PRKACB: variants seen among roughly 807,000 people sequenced by gnomAD.
PRKACB encodes the protein cAMP-dependent protein kinase catalytic subunit beta.
A neutral mutation model predicts 51.4 loss-of-function variants in PRKACB; 16 were observed. The observed-to-expected ratio is 0.31, with a 90% CI of 0.21 to 0.47. PRKACB has a LOEUF of 0.47. PRKACB is among the 20% of genes least tolerant of loss of function. The pLI is 1.00. For missense variants in PRKACB, 309 were observed against 464.5 expected, an observed-to-expected ratio of 0.67 and a Z score of 3.08; for synonymous variants, 147 against 154.4, an observed-to-expected ratio of 0.95 and a Z score of 0.35.
At chr1:84,214,023 G>A (rs753607108) in intron 8 of PRKACB, 130 bp from the exon 9 acceptor site, 6 of 890,004 alleles carry the variant, frequency 6.7e-6, no homozygotes, top group South Asian at 2.3e-5. Flanking sequence ...TTAAAAGTAT[G>A]TGAAGGTCAT....
intron 1 of PRKACB, among the ~76,000 whole-genome samples, chr1:84,168,207 G>A (rs745677014): frequency 6.6e-6 from 1 of 151,550 alleles, no homozygotes. Flanking sequence ...AATTGATTTG[G>A]AAAGCTGACT....
chr1:84,198,657 G>A (rs1668872358), intron 7 of PRKACB, among the ~76,000 whole-genome samples: 1 of 150,604 alleles, frequency 6.6e-6, no homozygotes. Flanking sequence ...ACAAATAATG[G>A]GACAACAAAA....
intron 8 of PRKACB, among the ~76,000 whole-genome samples, chr1:84,211,325 A>G (rs571239535): frequency 1.3e-5 from 2 of 152,214 alleles, no homozygotes; most frequent in African/African-American, 2.4e-5. Context: ...TAACTGGTAC[A>G]TTACCATGGA....
chr1:84,219,581 T>G (rs958974586), intron 9 of PRKACB, among the ~76,000 whole-genome samples: 12 of 151,648 alleles, frequency 7.9e-5, no homozygotes, highest in African/African-American at 2.7e-4. Flanking sequence ...TGTTATGGTT[T>G]GGGGCCTTAT....
At chr1:84,174,790 G>C (rs1192285054) in intron 1 of PRKACB, among the ~76,000 whole-genome samples, 1 of 151,720 alleles carries the variant, frequency 6.6e-6, no homozygotes, top group African/African-American at 2.4e-5. Flanking sequence ...TAAAGTTTTT[G>C]TTAGTTGTTG....
chr1:84,126,160 C>T (rs1651583824), intron 1 of PRKACB, among the ~76,000 whole-genome samples: 1 of 152,130 alleles, frequency 6.6e-6, no homozygotes, highest in Non-Finnish European at 1.5e-5. Context: ...TTAGCTTTGC[C>T]ATCCACAGAC....
chr1:84,108,465 A>ATG (rs1649964363), intron 1 of PRKACB, among the ~76,000 whole-genome samples: 1 of 152,068 alleles, frequency 6.6e-6, no homozygotes, highest in Non-Finnish European at 1.5e-5. Flanking sequence ...CAACTTGCAC[A>ATG]TGTACCCCTG....
chr1:84,165,207 A>G (rs1326560580), intron 1 of PRKACB, among the ~76,000 whole-genome samples: 1 of 151,890 alleles, frequency 6.6e-6, no homozygotes, highest in Non-Finnish European at 1.5e-5. Flanking sequence ...TAATGGCACT[A>G]TTAATAATCA....
At chr1:84,078,363 T>C (rs1571487407) in exon 1 of PRKACB, 2 of 1,584,090 alleles carry the variant, frequency 1.3e-6, no homozygotes, top group Non-Finnish European at 1.7e-6. Context: ...GGCAGCGAGG[T>C]GGAGAGCGGT....
At chr1:84,198,534 G>A (rs950062747) in intron 7 of PRKACB, among the ~76,000 whole-genome samples, 1 of 152,038 alleles carries the variant, frequency 6.6e-6, no homozygotes. Flanking sequence ...TAAAATAAAA[G>A]ATTTCTTTCA....
At chr1:84,150,927 C>T (rs1229718253) in intron 1 of PRKACB, among the ~76,000 whole-genome samples, 1 of 152,066 alleles carries the variant, frequency 6.6e-6, no homozygotes, top group African/African-American at 2.4e-5. Flanking sequence ...ATTTCTTCCT[C>T]CCTCCCCCTC....
intron 9 of PRKACB, among the ~76,000 whole-genome samples, chr1:84,221,385 A>T (rs679315): frequency 0.95 from 143,642 of 151,028 alleles, 68,665 homozygotes; most frequent in East Asian, 1. Flanking sequence ...TTATTTTTTT[A>T]AAAAAAAAAC....
chr1:84,137,759 A>T (rs1407066185), intron 1 of PRKACB, among the ~76,000 whole-genome samples: 2 of 152,146 alleles, frequency 1.3e-5, no homozygotes, highest in East Asian at 3.9e-4. Flanking sequence ...CAATTCTGAT[A>T]TTTCTATATG....
At chr1:84,104,503 T>C (rs1170627699) in intron 1 of PRKACB, among the ~76,000 whole-genome samples, 1 of 152,138 alleles carries the variant, frequency 6.6e-6, no homozygotes, top group Non-Finnish European at 1.5e-5. Context: ...ATAGCCAGCA[T>C]TGGGATTGCT....
chr1:84,184,063 T>A lies in PRKACB; in HGVS notation c.405T>A (p.His135Gln). Residue 135 changes from histidine (H) to glutamine (Q), a missense_variant, in exon 4 of 10, where the codon CAT (histidine) becomes CAA (glutamine). His to Gln is a conservative substitution (Grantham distance 24). Around this residue, in one of 3 missense-constraint regions of PRKACB, gnomAD observed 153 missense variants for 190.2 expected, o/e 0.80. Transcript: ENST00000370685. ...QKVVKLKQIE[H>Q]TLNEKRILQA... ...TTGTTAAACTGAAGCAAATAGAGCA[T>A]ACTTTGAATGAGAAAAGAATATTAC... 6.2e-7 allele frequency: 1 copy of A among 1,600,306 alleles called. No homozygotes were observed. Among genetic ancestry groups the A allele is most frequent in the Non-Finnish European group, 8.5e-7 (1 of 1,173,088 alleles).
chr1:84,115,957 A>G (rs868474143), intron 1 of PRKACB, among the ~76,000 whole-genome samples: 9 of 144,212 alleles, frequency 6.2e-5, no homozygotes, highest in Middle Eastern at 7.5e-3. Flanking sequence ...AGTTTTTCCT[A>G]GGTTTTCTTC....
chr1:84,106,510 C>T (rs1383001926), intron 1 of PRKACB, among the ~76,000 whole-genome samples: 1 of 151,986 alleles, frequency 6.6e-6, no homozygotes, highest in Non-Finnish European at 1.5e-5. Flanking sequence ...TTCCCAATTC[C>T]CACAAAAAAG....
At chr1:84,152,052 T>G (rs1033395304) in intron 1 of PRKACB, among the ~76,000 whole-genome samples, 20 of 152,214 alleles carry the variant, frequency 1.3e-4, no homozygotes, top group African/African-American at 3.6e-4. Flanking sequence ...TCTTAAATAA[T>G]AAGACCTGAT....
intron 5 of PRKACB, among the ~76,000 whole-genome samples, chr1:84,189,286 G>A (rs1200132923): frequency 6.6e-6 from 1 of 151,802 alleles, no homozygotes; most frequent in Non-Finnish European, 1.5e-5. Flanking sequence ...CTTGAGCAGG[G>A]AAATACATGG....
Sources: allele counts gnomAD v4.1 joint callset (sites outside exome capture counted in the v4.1 genomes callset), GRCh38; gene constraint gnomAD v4.1.1; regional missense constraint gnomAD v4.1.1; transcripts MANE v1.5; gene names NCBI Gene and HGNC (gene_info 2026-07-23, HGNC 2026-07-21).